Variants in LRP1B observed in about 807,000 individuals in gnomAD.
LRP1B encodes the protein low-density lipoprotein receptor-related protein 1B.
Under a neutral mutation model 556.6 loss-of-function variants are expected in LRP1B, and 217 were observed. That is an observed-to-expected ratio of 0.39 (90% confidence interval 0.35 to 0.44). The LOEUF (loss-of-function observed/expected upper bound fraction) is 0.44. Among genes scored for constraint, LRP1B ranks in the 20% least tolerant of loss-of-function variants. The pLI, the probability that LRP1B is intolerant of heterozygous loss-of-function variation, is 1.00. For missense variants in LRP1B, 5,053 were observed against 5,620.8 expected (o/e 0.90, Z 3.23); for synonymous variants, 2,047 against 1,865.8 (o/e 1.10, Z -2.50).
intron 3 of LRP1B, among the ~76,000 whole-genome samples, chr2:141,331,757 A>G (rs1275589535): frequency 6.6e-6 from 1 of 152,090 alleles, no homozygotes; most frequent in Non-Finnish European, 1.5e-5. Context: ...ATTAGCCTTT[A>G]ATATTGAAGA....
At chr2:142,026,054 A>C (rs1208945529) in intron 1 of LRP1B, among the ~76,000 whole-genome samples, 1 of 152,074 alleles carries the variant, frequency 6.6e-6, no homozygotes, top group African/African-American at 2.4e-5. Context: ...CCTGACAGTT[A>C]TTTGGCCTAT....
intron 32 of LRP1B, among the ~76,000 whole-genome samples, chr2:140,783,150 C>A (rs1476248): frequency 0.85 from 129,277 of 152,032 alleles, 55,783 homozygotes; most frequent in East Asian, 1. Flanking sequence ...ATAATTATTA[C>A]ATTTTTTATA....
intron 21 of LRP1B, 63 bp from the exon 22 acceptor site, chr2:140,908,140 G>A (rs2105232710): frequency 1.6e-6 from 2 of 1,271,586 alleles, no homozygotes; most frequent in Non-Finnish European, 1.1e-6. Context: ...ATAATGAGTG[G>A]CCATTATTGT....
chr2:140,899,960 C>T (rs1694056496), intron 23 of LRP1B, among the ~76,000 whole-genome samples: 1 of 151,700 alleles, frequency 6.6e-6, no homozygotes, highest in Non-Finnish European at 1.5e-5. Context: ...TAAACTATTG[C>T]TATAATATTT....
At chr2:140,901,921 G>A (rs1302589431) in intron 23 of LRP1B, among the ~76,000 whole-genome samples, 1 of 152,048 alleles carries the variant, frequency 6.6e-6, no homozygotes, top group African/African-American at 2.4e-5. Flanking sequence ...ATAAGATCCA[G>A]CAGTGGGTCT....
rs1303092157 is a variant in LRP1B at position 140,471,750 on chromosome 2, A to G, written c.9625+3388T>C. On this transcript the variant is annotated intron_variant, in intron 60 of 90. Transcript: ENST00000389484. ...GCACTCCATCAACTAAACACCATCA[A>G]TAGCTCCCTGTGACCTAAGGATAAA... 4.6e-5 allele frequency among the ~76,000 whole-genome samples: 7 copies of G among 152,160 alleles called. 1 individual carries two copies. In the East Asian group the frequency reaches 1.3e-3, roughly 29 times the overall value.
intron 8 of LRP1B, among the ~76,000 whole-genome samples, chr2:141,060,501 A>G: frequency 6.6e-6 from 1 of 151,752 alleles, no homozygotes; most frequent in East Asian, 1.9e-4. Context: ...CAAAAATTAT[A>G]AGCAAGCTCA....
At chr2:141,165,402 T>C (rs935812533) in intron 7 of LRP1B, among the ~76,000 whole-genome samples, 2 of 152,000 alleles carry the variant, frequency 1.3e-5, no homozygotes, top group Non-Finnish European at 2.9e-5. Flanking sequence ...TTAATAGCAA[T>C]CATTAAATAA....
At chr2:141,773,465 G>C (rs904089719) in intron 2 of LRP1B, among the ~76,000 whole-genome samples, 4 of 152,202 alleles carry the variant, frequency 2.6e-5, no homozygotes, top group Non-Finnish European at 2.9e-5. Flanking sequence ...TAAAGCTTCA[G>C]GGGACCCCAA....
intron 32 of LRP1B, among the ~76,000 whole-genome samples, chr2:140,792,818 G>A (rs1212298375): frequency 6.6e-6 from 1 of 152,048 alleles, no homozygotes; most frequent in Non-Finnish European, 1.5e-5. Flanking sequence ...AGCAAAAGAG[G>A]ATTGATGTAA....
intron 43 of LRP1B, among the ~76,000 whole-genome samples, chr2:140,567,213 T>A (rs1212739768): frequency 2.0e-5 from 3 of 152,140 alleles, no homozygotes; most frequent in Non-Finnish European, 4.4e-5. Context: ...ATTATTGAGC[T>A]GCCCCTTGCC....
chr2:140,748,364 T>TA (rs1559094005), intron 35 of LRP1B, among the ~76,000 whole-genome samples: 14 of 106,836 alleles, frequency 1.3e-4, no homozygotes, highest in South Asian at 5.1e-4. Context: ...ATAATATATA[T>TA]TTATATATGT....
intron 6 of LRP1B, among the ~76,000 whole-genome samples, chr2:141,213,011 A>G (rs957386828): frequency 6.6e-6 from 1 of 152,134 alleles, no homozygotes; most frequent in African/African-American, 2.4e-5. Flanking sequence ...CTGTCTTTTA[A>G]GCTGGAGTAC....
intron 77 of LRP1B, among the ~76,000 whole-genome samples, chr2:140,341,540 T>C (rs1391625954): frequency 6.6e-6 from 1 of 151,430 alleles, no homozygotes; most frequent in East Asian, 1.9e-4. Context: ...ATAATATAAG[T>C]AGTGTCTTTT....
Position 141,924,024 on chromosome 2 carries a change from C to T in LRP1B, c.83-113623G>A, listed in dbSNP as rs142705963. 5.3e-5 allele frequency among the ~76,000 whole-genome samples: 8 copies of T among 152,048 alleles called. No individual in the cohort carries two copies. In the East Asian group the frequency reaches 1.2e-3, roughly 22 times the overall value. On this transcript the variant is annotated intron_variant, in intron 1 of 90. Transcript: ENST00000389484. ...ATACTGGGTAGAAGAGGGCAGTTCC[C>T]GTGCAAAGGCTCCAATCTCAAGTCT...
chr2:141,457,915 G>A (rs1008349301), intron 3 of LRP1B, among the ~76,000 whole-genome samples: 1 of 152,170 alleles, frequency 6.6e-6, no homozygotes, highest in Non-Finnish European at 1.5e-5. Flanking sequence ...TGGCAATAAG[G>A]CTCAAGGTAA....
At chr2:140,271,199 G>C (rs1682445898) in intron 85 of LRP1B, among the ~76,000 whole-genome samples, 1 of 151,946 alleles carries the variant, frequency 6.6e-6, no homozygotes, top group South Asian at 2.1e-4. Context: ...AGTGAATGCA[G>C]AAATGTGCAT....
At chr2:140,246,944 C>T (rs11895946) in intron 87 of LRP1B, 142 bp downstream of exon 87, 346,965 of 579,914 alleles carry the variant, frequency 0.6, 109,781 homozygotes, top group Non-Finnish European at 0.68. Flanking sequence ...AGTGCTTCCT[C>T]TTTCAAAAAC....
At chr2:141,153,396 T>TATATA (rs1701980103) in intron 7 of LRP1B, among the ~76,000 whole-genome samples, 1 of 60,498 alleles carries the variant, frequency 1.7e-5, no homozygotes, top group South Asian at 4.9e-4. Flanking sequence ...GCTATATATT[T>TATATA]ATATATATTA....
Sources: allele counts gnomAD v4.1 joint callset (sites outside exome capture counted in the v4.1 genomes callset), GRCh38; gene constraint gnomAD v4.1.1; transcripts MANE v1.5; gene names NCBI Gene and HGNC (gene_info 2026-07-23, HGNC 2026-07-21).